The following PDE4B variants were observed in gnomAD, a reference collection of about 807,000 sequenced individuals.
PDE4B encodes the protein phosphodiesterase 4B, also known as 3',5'-cyclic-AMP phosphodiesterase 4B.
A neutral mutation model predicts 82.2 loss-of-function variants in PDE4B; 20 were observed. That is an observed-to-expected ratio of 0.24 (90% CI 0.17 to 0.35). PDE4B has a LOEUF of 0.35. PDE4B is among the 10% of genes least tolerant of loss of function. The probability of loss-of-function intolerance (pLI) is 1.00; values close to 1 mark genes in which losing one functional copy is unlikely to be tolerated. For missense variants in PDE4B, 655 were observed against 907.2 expected (o/e 0.72, Z 3.57); for synonymous variants, 320 against 318.9 (o/e 1.00, Z -0.04).
chr1:66,220,775 T>C (rs1363538333), intron 3 of PDE4B, among the ~76,000 whole-genome samples: 1 of 152,100 alleles, frequency 6.6e-6, no homozygotes. Flanking sequence ...TTTCTGGAGA[T>C]GGGTAATAAC....
At chr1:66,101,890 G>C (rs1645232475) in intron 3 of PDE4B, among the ~76,000 whole-genome samples, 1 of 152,136 alleles carries the variant, frequency 6.6e-6, no homozygotes, top group Non-Finnish European at 1.5e-5. Context: ...TGGTGTTTTA[G>C]TCATGAAGTC....
intron 1 of PDE4B, among the ~76,000 whole-genome samples, chr1:65,829,476 A>C (rs1326167370): frequency 6.6e-6 from 1 of 152,220 alleles, no homozygotes; most frequent in African/African-American, 2.4e-5. Context: ...AGAGCACTCC[A>C]ATCAACAAAA....
chr1:66,262,724 C>T (rs866709007), intron 6 of PDE4B, among the ~76,000 whole-genome samples: 8 of 152,172 alleles, frequency 5.3e-5, no homozygotes, highest in Admixed American at 2.6e-4. Flanking sequence ...CTTCTTTGCA[C>T]CAGGTCTCAT....
At chr1:66,109,038 G>T (rs1426374160) in intron 3 of PDE4B, among the ~76,000 whole-genome samples, 2 of 151,926 alleles carry the variant, frequency 1.3e-5, no homozygotes, top group Non-Finnish European at 2.9e-5. Flanking sequence ...GAGAGATAAA[G>T]TCTGCATTAA....
At position 65,863,347 on chromosome 1, in the gene PDE4B, G is replaced by A. The variant is rs1000741102; in HGVS notation, c.-70-49898G>A. Among the ~76,000 whole-genome samples, 9 of 152,280 alleles carry A rather than the reference G, an allele frequency of 5.9e-5. No individual in the cohort carries two copies. The East Asian group carries it at 1.7e-3, about 29-fold the overall frequency. On this transcript the variant is annotated intron_variant, in intron 1 of 16. Coordinates refer to ENST00000341517, the MANE Select transcript of PDE4B (RefSeq NM_002600.4). ...GTTTCTTAATGCTGAGTTCTAATTT[G>A]ATGGCACTGTGGTCTGAGAGACTGT...
rs773975688 is a variant in PDE4B, at chr1:66,367,774, A to G, written c.1463A>G (p.Gln488Arg). ...CTTGCTGTGGGTTTCAAACTGCTGC[A>G]AGAAGAACACTGTGACATCTTCATG... ...HHLAVGFKLL[Q>R]EEHCDIFMNL... is the part of the protein sequence containing the mutation. Residue 488 changes from glutamine (Q) to arginine (R), a missense_variant, in exon 14 of 17, where the codon CAA becomes CGA. Around this residue, in one of 3 missense-constraint regions of PDE4B, gnomAD observed 283 missense variants for 516.4 expected, o/e 0.55. Coordinates refer to ENST00000341517, the MANE Select transcript of PDE4B (RefSeq NM_002600.4). The G allele has an allele frequency of 6.2e-7, 1 of 1,613,902 alleles. No individual in the cohort carries two copies. Among genetic ancestry groups the G allele is most frequent in the Non-Finnish European group, 8.5e-7 (1 of 1,179,830 alleles).
intron 1 of PDE4B, among the ~76,000 whole-genome samples, chr1:65,840,526 A>G (rs534133339): frequency 2.0e-5 from 3 of 152,342 alleles, no homozygotes; most frequent in African/African-American, 7.2e-5. Context: ...AGCATTAACA[A>G]TACTAAACAA....
intron 3 of PDE4B, among the ~76,000 whole-genome samples, chr1:65,963,277 G>T (rs768682181): frequency 6.6e-6 from 1 of 152,118 alleles, no homozygotes; most frequent in Non-Finnish European, 1.5e-5. Context: ...TTGGCCCTGC[G>T]ACTGCAGGCA....
At position 66,129,207 on chromosome 1, in the gene PDE4B, A is replaced by G. The variant is rs1645884031; in HGVS notation, c.282-118253A>G. 1.3e-5 allele frequency among the ~76,000 whole-genome samples: 2 copies of G among 152,248 alleles called. 1 individual carries two copies. Among genetic ancestry groups the G allele is most frequent in the South Asian group, 4.1e-4 (2 of 4,836 alleles). On this transcript the variant is annotated intron_variant, in intron 3 of 16. Coordinates refer to ENST00000341517, the MANE Select transcript of PDE4B (RefSeq NM_002600.4). ...TAAGTGCTACAAAATGTTTGACAAT[A>G]GAATAAAATAATAAAACATTTATAC... is the stretch of plus-strand genomic sequence containing the variant.
At chr1:66,247,694 C>A in intron 4 of PDE4B, 40 bp downstream of exon 4, 6 of 1,448,780 alleles carry the variant, frequency 4.1e-6, no homozygotes, top group Non-Finnish European at 5.6e-6. Flanking sequence ...TTCACATTTA[C>A]CTCATCTCTA....
chr1:65,943,367 T>C (rs1569770771), intron 3 of PDE4B, among the ~76,000 whole-genome samples: 1 of 152,168 alleles, frequency 6.6e-6, no homozygotes, highest in East Asian at 1.9e-4. Context: ...ATGTATCTGT[T>C]TTTATGACAG....
chr1:65,969,722 C>A (rs574754123), intron 3 of PDE4B, among the ~76,000 whole-genome samples: 6 of 152,134 alleles, frequency 3.9e-5, no homozygotes, highest in African/African-American at 1.2e-4. Flanking sequence ...GACATTTTTA[C>A]TGTGATTCTC....
chr1:66,021,899 G>A (rs1557503950), intron 3 of PDE4B, among the ~76,000 whole-genome samples: 1 of 152,082 alleles, frequency 6.6e-6, no homozygotes. Context: ...AAATTACCTT[G>A]GGCAATATGG....
At chr1:66,251,263 C>G (rs1357652669) in intron 4 of PDE4B, among the ~76,000 whole-genome samples, 5 of 152,082 alleles carry the variant, frequency 3.3e-5, no homozygotes, top group Admixed American at 6.5e-5. Context: ...GGTACTATAA[C>G]TTTCTTGTTT....
chr1:66,337,943 A>C (rs1202801052), intron 8 of PDE4B, among the ~76,000 whole-genome samples: 1 of 152,250 alleles, frequency 6.6e-6, no homozygotes, highest in Non-Finnish European at 1.5e-5. Flanking sequence ...ACTTAGGTAT[A>C]GTAATATAGA....
intron 1 of PDE4B, among the ~76,000 whole-genome samples, chr1:65,884,882 C>T (rs1374162181): frequency 6.6e-6 from 1 of 152,198 alleles, no homozygotes; most frequent in Non-Finnish European, 1.5e-5. Flanking sequence ...AACTAAGGAG[C>T]TTCTGCACAG....
At chr1:65,920,525 T>C (rs1647217123) in intron 3 of PDE4B, among the ~76,000 whole-genome samples, 1 of 152,236 alleles carries the variant, frequency 6.6e-6, no homozygotes, top group Non-Finnish European at 1.5e-5. Context: ...ACTCTGCCAT[T>C]TGGGGCATGC....
At chr1:66,169,253 C>T (rs1646793579) in intron 3 of PDE4B, among the ~76,000 whole-genome samples, 2 of 152,100 alleles carry the variant, frequency 1.3e-5, no homozygotes, top group African/African-American at 4.8e-5. Context: ...ACTGTTGTGT[C>T]GGGTTAATTG....
intron 3 of PDE4B, among the ~76,000 whole-genome samples, chr1:66,065,056 C>T (rs978107156): frequency 2.6e-4 from 40 of 151,792 alleles, no homozygotes; most frequent in African/African-American, 8.7e-4. Flanking sequence ...TAGATTTCTG[C>T]GTCAAACTTT....
Sources: allele counts gnomAD v4.1 joint callset (sites outside exome capture counted in the v4.1 genomes callset), GRCh38; gene constraint gnomAD v4.1.1; regional missense constraint gnomAD v4.1.1; transcripts MANE v1.5; gene names NCBI Gene and HGNC (gene_info 2026-07-23, HGNC 2026-07-21).